NEDD4L: variants seen among roughly 807,000 people sequenced by gnomAD.
NEDD4L encodes E3 ubiquitin-protein ligase NEDD4-like.
NEDD4L carries 54 observed loss-of-function variants against 148.9 expected under a neutral mutation model. That is an observed-to-expected ratio of 0.36 (90% CI 0.29 to 0.45). NEDD4L has a LOEUF of 0.45. Among genes scored for constraint, NEDD4L ranks in the 20% least tolerant of loss-of-function variants. NEDD4L has a pLI of 1.00. For synonymous variants in NEDD4L, 433 were observed against 440.7 expected, an observed-to-expected ratio of 0.98 and a Z score of 0.22; for missense variants, 856 against 1,233.8, an observed-to-expected ratio of 0.69 and a Z score of 4.59.
intron 13 of NEDD4L, among the ~76,000 whole-genome samples, chr18:58,336,985 T>C (rs949813699): frequency 1.3e-5 from 2 of 152,196 alleles, no homozygotes; most frequent in Admixed American, 6.5e-5. Flanking sequence ...TTTTTGTATT[T>C]TGTTGGCCTT....
chr18:58,101,747 G>A (rs2084764609), intron 1 of NEDD4L, among the ~76,000 whole-genome samples: 1 of 152,100 alleles, frequency 6.6e-6, no homozygotes. Flanking sequence ...AAACCTCTTT[G>A]GATGGTTGTT....
intron 5 of NEDD4L, among the ~76,000 whole-genome samples, chr18:58,312,972 A>G (rs10163777): frequency 0.074 from 11,210 of 152,210 alleles, 1,338 homozygotes; most frequent in African/African-American, 0.25. Context: ...GAGCCACCGT[A>G]CCTGGCCATT....
chr18:58,152,458 CA>C (rs1224459711), intron 1 of NEDD4L, among the ~76,000 whole-genome samples: 1 of 152,240 alleles, frequency 6.6e-6, no homozygotes, highest in African/African-American at 2.4e-5. Flanking sequence ...GCCCTTCTCA[CA>C]CATTTCCATC....
intron 2 of NEDD4L, among the ~76,000 whole-genome samples, chr18:58,222,757 C>T (rs1212111353): frequency 6.6e-6 from 1 of 152,172 alleles, no homozygotes; most frequent in Non-Finnish European, 1.5e-5. Context: ...AATGTATCAA[C>T]AATATGAAAT....
At chr18:58,325,611 C>T (rs1298179979) in intron 9 of NEDD4L, among the ~76,000 whole-genome samples, 1 of 152,106 alleles carries the variant, frequency 6.6e-6, no homozygotes, top group African/African-American at 2.4e-5. Context: ...ATTTGGAAAC[C>T]TCAAAAATTT....
At chr18:58,337,620 GT>G (rs141588577) in intron 13 of NEDD4L, among the ~76,000 whole-genome samples, 7 of 151,064 alleles carry the variant, frequency 4.6e-5, no homozygotes, top group East Asian at 1.9e-4. Flanking sequence ...TAGCAACTTG[GT>G]TTTTTTTTAA....
chr18:58,257,043 T>C (rs746293997), intron 5 of NEDD4L, among the ~76,000 whole-genome samples: 1 of 152,178 alleles, frequency 6.6e-6, no homozygotes, highest in African/African-American at 2.4e-5. Context: ...TTCCCCCTGC[T>C]TTTATTTTTC....
chr18:58,341,141 C>T lies in NEDD4L; in HGVS notation c.1229C>T (p.Thr410Ile), dbSNP rs765354549. ...TACTATGTCAATCATAACAATCGAA[C>T]CACAACTTGGACTCGACCTATCATG... ...RTYYVNHNNRTTTWTRPIMQL... is the reference protein window; with the variant it reads ...RTYYVNHNNRITTWTRPIMQL... The change falls in exon 14 of 31, where the codon ACC becomes ATC. Residue 410 changes from threonine (T) to isoleucine (I), a missense_variant. Thr to Ile is a moderately conservative substitution (Grantham distance 89, BLOSUM62 -1). Around this residue, in one of 4 missense-constraint regions of NEDD4L, gnomAD observed 367 missense variants for 422.7 expected, o/e 0.87. Transcript: ENST00000400345. The T allele has an allele frequency of 2.5e-6, 4 of 1,612,716 alleles. No individual in the cohort carries two copies. The highest frequency in any genetic ancestry group is 3.4e-6 in the Non-Finnish European group (4 of 1,179,544).
intron 14 of NEDD4L, 39 bp downstream of exon 14, chr18:58,341,208 A>G (rs759799547): frequency 6.2e-7 from 1 of 1,604,428 alleles, no homozygotes; most frequent in Admixed American, 1.7e-5. Context: ...CGCAGGCCAT[A>G]GAAGCCGAAA....
rs530858959 is a variant in NEDD4L, at chr18:58,139,807, C to T, written c.49-25981C>T. 1.5e-4 allele frequency among the ~76,000 whole-genome samples: 23 copies of T among 152,238 alleles called. No homozygotes were observed. In the East Asian group the frequency reaches 4.1e-3, roughly 27 times the overall value. ...AAGCTCAGGAAACCACCGTAGAACC[C>T]CCTAAAAGGGGAGGGTGGCTACAGC... On this transcript the variant is annotated intron_variant, in intron 1 of 30. Coordinates refer to ENST00000400345, the MANE Select transcript of NEDD4L (RefSeq NM_001144967.3).
At chr18:58,352,046 T>C (rs1568812568) in intron 18 of NEDD4L, among the ~76,000 whole-genome samples, 1 of 152,190 alleles carries the variant, frequency 6.6e-6, no homozygotes, top group Non-Finnish European at 1.5e-5. Context: ...GGGCTTATTA[T>C]AAATGGAATT....
rs12964776 is a variant in NEDD4L at position 58,390,748 on chromosome 18, C to T, written c.2752+6C>T. ...TGGATTTGCCGAACTTTATGGTGAG[C>T]AGGATACCATTGGATTCAGTTGTCC... On this transcript the variant is annotated splice_donor_region_variant and intron_variant, in intron 29 of 30. Transcript: ENST00000400345. 0.013 allele frequency: 20,634 copies of T among 1,573,436 alleles called. 207 individuals carry two copies. The highest frequency in any genetic ancestry group is 0.034 in the South Asian group (2,926 of 86,330).
At chr18:58,255,061 C>T (rs756536752) in intron 5 of NEDD4L, among the ~76,000 whole-genome samples, 35 of 152,238 alleles carry the variant, frequency 2.3e-4, no homozygotes, top group African/African-American at 6.5e-4. Flanking sequence ...GTCATTATTC[C>T]GTGTGGCGGA....
At chr18:58,176,953 AAAATT>A (rs1285896072) in intron 2 of NEDD4L, among the ~76,000 whole-genome samples, 1 of 152,190 alleles carries the variant, frequency 6.6e-6, no homozygotes, top group African/African-American at 2.4e-5. Context: ...TGCAGCCTAG[AAAATT>A]AAATTAAAAA....
intron 2 of NEDD4L, among the ~76,000 whole-genome samples, chr18:58,238,168 A>G (rs1367677082): frequency 6.6e-6 from 1 of 152,200 alleles, no homozygotes; most frequent in African/African-American, 2.4e-5. Flanking sequence ...CATTGCCAGT[A>G]TTGGTGATGA....
Position 58,121,037 on chromosome 18 carries a change from A to G in NEDD4L, c.49-44751A>G, listed in dbSNP as rs561313057. ...TGAAAGTTTCAACAGATATTTGTTA[A>G]AATTTAATTTAGCCAAAGGAAGACA... is the stretch of plus-strand genomic sequence containing the variant. On this transcript the variant is annotated intron_variant, in intron 1 of 30. Coordinates refer to ENST00000400345, the MANE Select transcript of NEDD4L (RefSeq NM_001144967.3). Among the ~76,000 whole-genome samples the G allele has an allele frequency of 2.6e-5, 4 of 152,306 alleles. No homozygotes were observed. In the East Asian group the frequency reaches 7.7e-4, roughly 29 times the overall value.
intron 5 of NEDD4L, among the ~76,000 whole-genome samples, chr18:58,252,728 T>C (rs1460500076): frequency 1.3e-5 from 2 of 152,196 alleles, no homozygotes; most frequent in African/African-American, 4.8e-5. Context: ...TTATTGTTTT[T>C]AATTTTTTTT....
intron 24 of NEDD4L, among the ~76,000 whole-genome samples, chr18:58,374,929 G>A (rs962492221): frequency 5.3e-5 from 8 of 152,172 alleles, no homozygotes; most frequent in South Asian, 4.2e-4. Context: ...ATCTCAGGCC[G>A]GCGTCTGCCT....
chr18:58,154,642 C>A (rs1187616390), intron 1 of NEDD4L, among the ~76,000 whole-genome samples: 1 of 152,096 alleles, frequency 6.6e-6, no homozygotes, highest in East Asian at 1.9e-4. Context: ...AAAAAATTAG[C>A]CAGACGTGAT....
Sources: gnomAD v4.1 joint callset for allele counts (sites outside exome capture counted in the v4.1 genomes callset) on GRCh38, gnomAD v4.1.1 for gene constraint, gnomAD v4.1.1 regional missense constraint, MANE v1.5 for transcripts, NCBI Gene and HGNC (gene_info 2026-07-23, HGNC 2026-07-21) for gene names.